MARCHF1: variants seen among roughly 807,000 people sequenced by gnomAD.
MARCHF1 encodes the protein E3 ubiquitin-protein ligase MARCHF1.
Under a neutral mutation model 54.2 loss-of-function variants are expected in MARCHF1, and 40 were observed. That is an observed-to-expected ratio of 0.74 (90% CI 0.57 to 0.96). MARCHF1 has a LOEUF of 0.96. Among genes scored for constraint, MARCHF1 ranks in the 40% least tolerant of loss-of-function variants. The pLI is 0.00. For synonymous variants in MARCHF1, 236 were observed against 236.3 expected (o/e 1.00, Z 0.01); for missense variants, 586 against 656.5 (o/e 0.89, Z 1.17).
At chr4:164,365,108 A>G (rs1274139461) in intron 1 of MARCHF1, among the ~76,000 whole-genome samples, 1 of 152,024 alleles carries the variant, frequency 6.6e-6, no homozygotes, top group Non-Finnish European at 1.5e-5. Flanking sequence ...CCCTGCCACG[A>G]ATAGAGTAAC....
intron 3 of MARCHF1, among the ~76,000 whole-genome samples, chr4:163,908,076 C>T (rs968685961): frequency 1.3e-5 from 2 of 152,100 alleles, no homozygotes; most frequent in Non-Finnish European, 2.9e-5. Context: ...TGAGAAGACA[C>T]GCAGTATGAT....
At chr4:163,639,759 A>G (rs904402071) in intron 5 of MARCHF1, among the ~76,000 whole-genome samples, 2 of 152,144 alleles carry the variant, frequency 1.3e-5, no homozygotes, top group African/African-American at 2.4e-5. Flanking sequence ...CTACAAATGG[A>G]AAGTTTCAAA....
chr4:163,763,118 G>A (rs1053932193), intron 4 of MARCHF1, among the ~76,000 whole-genome samples: 3 of 152,012 alleles, frequency 2.0e-5, no homozygotes, highest in Non-Finnish European at 4.4e-5. Flanking sequence ...AATCAGTCAG[G>A]ATGCAATTAT....
intron 2 of MARCHF1, among the ~76,000 whole-genome samples, chr4:164,045,383 T>C (rs1315800942): frequency 6.6e-6 from 1 of 151,662 alleles, no homozygotes; most frequent in African/African-American, 2.4e-5. Flanking sequence ...ATGGTGGTAG[T>C]TGTCTGTAAT....
At chr4:164,122,650 C>CCT (rs377506308) in intron 1 of MARCHF1, among the ~76,000 whole-genome samples, 11 of 151,614 alleles carry the variant, frequency 7.3e-5, no homozygotes, top group African/African-American at 2.4e-4. Context: ...CTGGGAGACC[C>CCT]CTCTCTCTCT....
chr4:163,992,469 T>C (rs1004017098), intron 2 of MARCHF1, among the ~76,000 whole-genome samples: 1 of 152,020 alleles, frequency 6.6e-6, no homozygotes, highest in African/African-American at 2.4e-5. Flanking sequence ...TAGATCTAAA[T>C]ACATAAAGAA....
chr4:163,838,758 T>G (rs1749260310), intron 4 of MARCHF1, among the ~76,000 whole-genome samples: 1 of 152,056 alleles, frequency 6.6e-6, no homozygotes, highest in African/African-American at 2.4e-5. Flanking sequence ...TAATTCAAAG[T>G]GTATCATAGA....
chr4:164,143,038 G>A (rs1426316399), intron 1 of MARCHF1, among the ~76,000 whole-genome samples: 1 of 149,092 alleles, frequency 6.7e-6, no homozygotes, highest in Non-Finnish European at 1.5e-5. Context: ...GAAGCCTCAG[G>A]AGCTGATGCG....
chr4:164,241,137 C>T (rs985014662), intron 1 of MARCHF1, among the ~76,000 whole-genome samples: 3 of 152,136 alleles, frequency 2.0e-5, no homozygotes, highest in Non-Finnish European at 4.4e-5. Flanking sequence ...AAGGAACTGA[C>T]TCAACTCGCC....
rs5863648 is a variant in MARCHF1 at position 163,997,925 on chromosome 4, T to TACACAC, written c.-247-9222_-247-9217dup. Among the ~76,000 whole-genome samples, 105 of 148,318 alleles carry TACACAC rather than the reference T, an allele frequency of 7.1e-4. 1 individual carries two copies. Among genetic ancestry groups the TACACAC allele is most frequent in the African/African-American group, 2.4e-3 (99 of 40,422 alleles). ...TATAATTTAAAGTAATTGCCTTAAA[T>TACACAC]ACACACACACACACACACACACACA... On this transcript the variant is annotated intron_variant, in intron 2 of 9. Transcript: ENST00000514618.
chr4:163,718,714 G>A lies in MARCHF1; in HGVS notation c.112-17851C>T, dbSNP rs140127432. Among the ~76,000 whole-genome samples the A allele has an allele frequency of 1.7e-3, 255 of 152,122 alleles. 1 individual carries two copies. Among genetic ancestry groups the A allele is most frequent in the Middle Eastern group, 0.014 (4 of 294 alleles). On this transcript the variant is annotated intron_variant, in intron 4 of 9. Transcript: ENST00000514618. ...TTCCTTATACTTTGTTTTTTCCAAG[G>A]AGCCTATTTTGTTTTATAGCATGGT...
chr4:163,784,155 T>TTA (rs1554013331), intron 4 of MARCHF1, among the ~76,000 whole-genome samples: 2 of 151,560 alleles, frequency 1.3e-5, no homozygotes, highest in Admixed American at 1.3e-4. Context: ...TTTTTTTTTT[T>TTA]ACTCTAGGGT....
chr4:163,931,677 A>C (rs1173855066), intron 3 of MARCHF1, among the ~76,000 whole-genome samples: 1 of 152,214 alleles, frequency 6.6e-6, no homozygotes, highest in Non-Finnish European at 1.5e-5. Flanking sequence ...ACAATGGTGA[A>C]TATAACAGAT....
intron 2 of MARCHF1, among the ~76,000 whole-genome samples, chr4:164,017,656 G>A (rs1753571526): frequency 6.6e-6 from 1 of 151,742 alleles, no homozygotes; most frequent in South Asian, 2.1e-4. Context: ...GAAATAAAAT[G>A]AAGATAAATA....
At chr4:164,109,647 A>T (rs1056538926) in intron 2 of MARCHF1, among the ~76,000 whole-genome samples, 7 of 151,770 alleles carry the variant, frequency 4.6e-5, no homozygotes, top group African/African-American at 1.5e-4. Flanking sequence ...AACCACAAAC[A>T]TTCAGAGTAA....
chr4:163,593,112 A>G (rs531133055), intron 7 of MARCHF1, among the ~76,000 whole-genome samples: 9 of 152,282 alleles, frequency 5.9e-5, no homozygotes, highest in African/African-American at 1.7e-4. Context: ...CCCCAGTGCC[A>G]TTTATCTTTC....
intron 2 of MARCHF1, among the ~76,000 whole-genome samples, chr4:164,011,028 A>G (rs1753409162): frequency 1.3e-5 from 2 of 152,198 alleles, no homozygotes; most frequent in South Asian, 2.1e-4. Flanking sequence ...AGTCTCTTCA[A>G]TAAATGATGC....
intron 2 of MARCHF1, among the ~76,000 whole-genome samples, chr4:164,077,317 G>C (rs1177021989): frequency 6.6e-6 from 1 of 152,176 alleles, no homozygotes. Flanking sequence ...TGGCAAAACT[G>C]GCTAGCCATA....
At chr4:164,006,090 G>A (rs1753280845) in intron 2 of MARCHF1, among the ~76,000 whole-genome samples, 1 of 151,624 alleles carries the variant, frequency 6.6e-6, no homozygotes, top group African/African-American at 2.4e-5. Context: ...AAACAACACA[G>A]AACCATGACC....
Sources: allele counts gnomAD v4.1 joint callset (sites outside exome capture counted in the v4.1 genomes callset), GRCh38; gene constraint gnomAD v4.1.1; transcripts MANE v1.5; gene names NCBI Gene and HGNC (gene_info 2026-07-23, HGNC 2026-07-21).